Variants in PAX8 observed in about 807,000 individuals in gnomAD.
The protein encoded by PAX8 is paired box protein Pax-8.
In PAX8, 15 loss-of-function variants were observed where a neutral mutation model predicts 52.4. That is an observed-to-expected ratio of 0.29 (90% confidence interval 0.19 to 0.44). PAX8 has a LOEUF of 0.44. Among genes scored for constraint, PAX8 ranks in the 20% least tolerant of loss-of-function variants. PAX8 has a pLI of 1.00. For synonymous variants in PAX8, 284 were observed against 249.7 expected (o/e 1.14, Z -1.29); for missense variants, 554 against 602.5 (o/e 0.92, Z 0.84).
At position 113,217,688 on chromosome 2, in the gene PAX8, CG is replaced by C. The variant is rs1020540371; in HGVS notation, c.*844del. On this transcript the variant is annotated 3_prime_UTR_variant, in exon 12 of 12. Transcript: ENST00000429538. ...GGCAGGAGCTGTCAGGAAGGGGAAG[CG>C]GGTTTCCTGCGATTCTGCCTTGTTC... is the stretch of plus-strand genomic sequence containing the variant. The C allele has an allele frequency of 2.2e-5, 5 of 231,888 alleles. No homozygotes were observed. The highest frequency in any genetic ancestry group is 1.1e-4 in the African/African-American group (5 of 45,280). 14.4% of individuals were successfully genotyped at this position (231,888 alleles called of 1,614,324 possible).
At chr2:113,230,933 T>C (rs1412695427) in intron 9 of PAX8, among the ~76,000 whole-genome samples, 1 of 152,244 alleles carries the variant, frequency 6.6e-6, no homozygotes, top group Non-Finnish European at 1.5e-5. Flanking sequence ...ACAGAAAGCA[T>C]AGGCCCATGT....
Position 113,236,715 on chromosome 2 carries a change from A to G in PAX8, c.784T>C (p.Tyr262His), listed in dbSNP as rs1420106495. The G allele has an allele frequency of 6.4e-7, 1 of 1,566,592 alleles. No homozygotes were observed. Among genetic ancestry groups the G allele is most frequent in the Non-Finnish European group, 8.6e-7 (1 of 1,156,502 alleles). ...GTGCTGTTGAGCAAGGGCAGCGGGT[A>G]GAGGCCCTGGGGAGCAAAGAGAAGT... ...PSHTKGEQGLYPLPLLNSTLD... is the reference protein window; with the variant it reads ...PSHTKGEQGLHPLPLLNSTLD... Residue 262 changes from tyrosine (Y) to histidine (H), a missense_variant, in exon 8 of 12, where the codon TAC becomes CAC. By Grantham distance (83) the Tyr-to-His change is moderately conservative. This residue lies in a region of PAX8 where 445 missense variants were observed against 409.9 expected (regional missense o/e 1.09). Coordinates refer to ENST00000429538, the MANE Select transcript of PAX8 (RefSeq NM_003466.4).
intron 3 of PAX8, among the ~76,000 whole-genome samples, chr2:113,245,530 T>A (rs994519748): frequency 1.3e-5 from 2 of 152,160 alleles, no homozygotes; most frequent in South Asian, 2.1e-4. Context: ...CCTCATGGAC[T>A]CTGGAATCCT....
rs1689059133 is a variant in PAX8, at chr2:113,217,272, G to A, written c.*1261C>T. 1 of 228,580 alleles carries A rather than the reference G, an allele frequency of 4.4e-6. No homozygotes were observed. The highest frequency in any genetic ancestry group is 5.7e-5 in the Admixed American group (1 of 17,616). The allele number at this position is 228,580 out of a possible 1,614,324, so 14.2% of individuals were successfully genotyped here. A position where few individuals can be genotyped will look rare whatever the true frequency, so the allele number is the denominator to read the frequency against. On this transcript the variant is annotated 3_prime_UTR_variant, in exon 12 of 12. Transcript: ENST00000429538. Reference sequence around the variant, plus strand: ...GTCCCTTCCAGCCCACGGCCCCAAAGTGAGTTTGTCGGCTACTCAGCTCTG... The same window carrying A: ...GTCCCTTCCAGCCCACGGCCCCAAAATGAGTTTGTCGGCTACTCAGCTCTG...
At chr2:113,251,821 C>T (rs1691788363) in intron 2 of PAX8, among the ~76,000 whole-genome samples, 1 of 152,200 alleles carries the variant, frequency 6.6e-6, no homozygotes, top group Admixed American at 6.5e-5. Flanking sequence ...TCTCCATGTT[C>T]CTATAGTCCT....
chr2:113,260,136 G>A (rs1409820120), intron 2 of PAX8, among the ~76,000 whole-genome samples: 1 of 152,188 alleles, frequency 6.6e-6, no homozygotes, highest in African/African-American at 2.4e-5. Context: ...CTGTGTGTAT[G>A]TGGGGTGATG....
At chr2:113,264,454 T>C (rs1458507879) in intron 2 of PAX8, among the ~76,000 whole-genome samples, 1 of 152,384 alleles carries the variant, frequency 6.6e-6, no homozygotes, top group East Asian at 1.9e-4. Flanking sequence ...TATTTCATGT[T>C]GGAAAAACTT....
At chr2:113,236,812 C>G in intron 7 of PAX8, 91 bp from the exon 8 acceptor site, 1 of 1,454,800 alleles carries the variant, frequency 6.9e-7, no homozygotes, top group South Asian at 1.3e-5. Context: ...ACTTGGCAGC[C>G]CTCATCTCCC....
chr2:113,277,388 C>G (rs78617413), intron 2 of PAX8, among the ~76,000 whole-genome samples: 1 of 152,250 alleles, frequency 6.6e-6, no homozygotes, highest in East Asian at 1.9e-4. Flanking sequence ...CGCGCCCGAT[C>G]CGACCCTCCT....
At chr2:113,222,787 C>G (rs1689341406) in intron 10 of PAX8, among the ~76,000 whole-genome samples, 1 of 152,068 alleles carries the variant, frequency 6.6e-6, no homozygotes, top group Non-Finnish European at 1.5e-5. Context: ...CCTATCAGGC[C>G]AACTCTGATC....
chr2:113,272,068 A>C (rs2104602999), intron 2 of PAX8: 2 of 152,388 alleles, frequency 1.3e-5, no homozygotes, highest in African/African-American at 4.8e-5. Flanking sequence ...GCTGAGCCAC[A>C]GGGATTGCTG....
chr2:113,235,726 C>T, intron 8 of PAX8, 144 bp from the exon 9 acceptor site: 2 of 631,938 alleles, frequency 3.2e-6, no homozygotes, highest in Non-Finnish European at 5.4e-6. Flanking sequence ...CTGGGGAGAG[C>T]CGGGGCCCAC....
chr2:113,255,259 GA>G (rs1692154368), intron 2 of PAX8: 2 of 26,002 alleles, frequency 7.7e-5, no homozygotes, highest in African/African-American at 4.8e-4. Context: ...AGGGAGGGAG[GA>G]GGGAGGGGAG....
chr2:113,256,354 G>A (rs561903112), intron 2 of PAX8, among the ~76,000 whole-genome samples: 3 of 152,304 alleles, frequency 2.0e-5, no homozygotes, highest in Admixed American at 2.0e-4. Flanking sequence ...CTGGGGATTG[G>A]ATCTCCGAAG....
At chr2:113,223,821 C>T (rs1689392747) in intron 10 of PAX8, among the ~76,000 whole-genome samples, 1 of 152,224 alleles carries the variant, frequency 6.6e-6, no homozygotes, top group African/African-American at 2.4e-5. Flanking sequence ...AGGAATCTGA[C>T]TTATTCACTG....
intron 9 of PAX8, among the ~76,000 whole-genome samples, chr2:113,231,920 G>T (rs945433910): frequency 8.5e-5 from 13 of 152,090 alleles, no homozygotes; most frequent in Non-Finnish European, 2.9e-5. Context: ...TAGAGATGGG[G>T]TTTCTCCATG....
chr2:113,241,642 C>G lies in PAX8; in HGVS notation c.686G>C (p.Ser229Thr). The G allele has an allele frequency of 1.9e-6, 3 of 1,614,104 alleles. No individual in the cohort carries two copies. Among genetic ancestry groups the G allele is most frequent in the East Asian group, 2.2e-5 (1 of 44,884 alleles). The stretch of plus-strand genomic sequence containing the variant: ...CTCGAGCGGCTCGAGGTGGTGCTGG[C>G]TGAAGGCATCCGTGCGAAGGTGCTT... ...PRKHLRTDAF[S>T]QHHLEPLECP... Residue 229 changes from serine (S) to threonine (T), a missense_variant, in exon 7 of 12, where the codon AGC becomes ACC. Transcript: ENST00000429538.
chr2:113,272,130 AAACAG>A, intron 2 of PAX8: 1 of 96,940 alleles, frequency 1.0e-5, no homozygotes, highest in African/African-American at 4.5e-5. Context: ...AGAAACACAG[AAACAG>A]AACCCAAGTA....
chr2:113,277,988 G>A (rs1573563670), intron 2 of PAX8, among the ~76,000 whole-genome samples: 1 of 152,340 alleles, frequency 6.6e-6, no homozygotes, highest in African/African-American at 2.4e-5. Context: ...GGACTTAGAG[G>A]TCGGGGACGG....
Sources: gnomAD v4.1 joint callset for allele counts (sites outside exome capture counted in the v4.1 genomes callset) on GRCh38, gnomAD v4.1.1 for gene constraint, gnomAD v4.1.1 regional missense constraint, MANE v1.5 for transcripts, NCBI Gene and HGNC (gene_info 2026-07-23, HGNC 2026-07-21) for gene names.